PTPRD: variants seen among roughly 807,000 people sequenced by gnomAD.
PTPRD encodes receptor-type tyrosine-protein phosphatase delta.
In PTPRD, 34 loss-of-function variants were observed where a neutral mutation model predicts 214.5. That is an observed-to-expected ratio of 0.16 (90% CI 0.12 to 0.21). PTPRD has a LOEUF of 0.21. PTPRD is among the 10% of genes least tolerant of loss of function. PTPRD has a pLI of 1.00. For missense variants in PTPRD, 2,545 were observed against 2,398.7 expected, an observed-to-expected ratio of 1.06 and a Z score of -1.27; for synonymous variants, 1,128 against 845.7, an observed-to-expected ratio of 1.33 and a Z score of -5.79.
intron 39 of PTPRD, among the ~76,000 whole-genome samples, chr9:8,367,807 T>C (rs1215562986): frequency 6.6e-6 from 1 of 152,200 alleles, no homozygotes; most frequent in Non-Finnish European, 1.5e-5. Context: ...AGTCAGTAAC[T>C]GTAAACATTT....
In PTPRD at chr9:10,242,705, C is replaced by A. The variant is rs189515097; in HGVS notation, c.-545+98258G>T. Among the ~76,000 whole-genome samples the A allele has an allele frequency of 2.3e-4, 35 of 151,054 alleles. No homozygotes were observed. The East Asian group carries it at 6.3e-3, about 27-fold the overall frequency. ...GCTTACTTAATTAAAAAAAAATCTC[C>A]GTCTAGGGCTTAGATTAGATCAATA... On this transcript the variant is annotated intron_variant, in intron 3 of 45. Coordinates refer to ENST00000381196, the MANE Select transcript of PTPRD (RefSeq NM_002839.4).
chr9:9,330,901 A>G (rs1476589922), intron 9 of PTPRD, among the ~76,000 whole-genome samples: 1 of 151,834 alleles, frequency 6.6e-6, no homozygotes, highest in African/African-American at 2.4e-5. Context: ...GGGGAAAAGA[A>G]GAGCTTTTTT....
intron 35 of PTPRD, 77 bp downstream of exon 35, chr9:8,436,515 T>C: frequency 8.7e-7 from 1 of 1,145,752 alleles, no homozygotes; most frequent in Non-Finnish European, 1.3e-6. Context: ...CTGATGAAGT[T>C]AATTTTCAAG....
At chr9:10,533,097 T>C (rs1381549099) in intron 2 of PTPRD, among the ~76,000 whole-genome samples, 2 of 152,044 alleles carry the variant, frequency 1.3e-5, no homozygotes, top group East Asian at 3.9e-4. Flanking sequence ...CAGTCTGGCA[T>C]CCTGGGTTTT....
chr9:8,381,634 C>G (rs557769941), intron 37 of PTPRD, among the ~76,000 whole-genome samples: 2 of 152,298 alleles, frequency 1.3e-5, no homozygotes, highest in East Asian at 3.9e-4. Flanking sequence ...ACCACCAGTG[C>G]AGCTTTTCAT....
intron 11 of PTPRD, among the ~76,000 whole-genome samples, chr9:8,865,003 A>G (rs951575689): frequency 6.6e-6 from 1 of 152,330 alleles, no homozygotes; most frequent in African/African-American, 2.4e-5. Flanking sequence ...TTCTCAATGA[A>G]TAAGAAAATT....
intron 12 of PTPRD, among the ~76,000 whole-genome samples, chr9:8,649,426 C>T (rs1321481770): frequency 1.3e-5 from 2 of 152,204 alleles, no homozygotes; most frequent in East Asian, 1.9e-4. Flanking sequence ...TCTCATCTAT[C>T]AACTGCACAC....
intron 11 of PTPRD, among the ~76,000 whole-genome samples, chr9:8,775,304 T>A (rs1008646225): frequency 2.0e-5 from 3 of 152,142 alleles, no homozygotes; most frequent in African/African-American, 7.2e-5. Context: ...TGGGGCAACA[T>A]TTAATTAAAA....
intron 5 of PTPRD, among the ~76,000 whole-genome samples, chr9:9,832,968 CT>C (rs2055413320): frequency 6.6e-6 from 1 of 151,116 alleles, no homozygotes; most frequent in Admixed American, 6.6e-5. Flanking sequence ...TTATTTTATA[CT>C]TGTGGGAAAA....
intron 11 of PTPRD, among the ~76,000 whole-genome samples, chr9:8,902,629 G>C (rs2098679399): frequency 6.6e-6 from 1 of 151,970 alleles, no homozygotes; most frequent in Non-Finnish European, 1.5e-5. Context: ...ACAGGCATGA[G>C]CCACCACGCC....
chr9:8,664,587 C>T (rs1297166372), intron 12 of PTPRD, among the ~76,000 whole-genome samples: 1 of 152,160 alleles, frequency 6.6e-6, no homozygotes, highest in African/African-American at 2.4e-5. Context: ...TCAATCTATA[C>T]TTTCCTAGTG....
At chr9:9,934,855 G>A (rs1377521554) in intron 5 of PTPRD, among the ~76,000 whole-genome samples, 1 of 152,090 alleles carries the variant, frequency 6.6e-6, no homozygotes, top group African/African-American at 2.4e-5. Context: ...GAATCCAGCA[G>A]CACATCAAAA....
intron 39 of PTPRD, among the ~76,000 whole-genome samples, chr9:8,361,744 G>A (rs1329766647): frequency 2.0e-5 from 3 of 152,168 alleles, no homozygotes; most frequent in African/African-American, 7.2e-5. Flanking sequence ...GTGCTTGGGG[G>A]TTCATTATAC....
chr9:9,738,438 A>ATTTTT (rs1564880927), intron 6 of PTPRD, among the ~76,000 whole-genome samples: 4 of 54,306 alleles, frequency 7.4e-5, no homozygotes, highest in Non-Finnish European at 1.3e-4. Flanking sequence ...TCACTCACTC[A>ATTTTT]CTTTTTTTTT....
At chr9:10,343,733 A>G (rs553506776) in intron 2 of PTPRD, among the ~76,000 whole-genome samples, 6,683 of 152,048 alleles carry the variant, frequency 0.044, 475 homozygotes, top group African/African-American at 0.15. Context: ...GCCAGTGATG[A>G]TGAGCATTAT....
chr9:9,715,720 C>T (rs1444304407), intron 7 of PTPRD, among the ~76,000 whole-genome samples: 2 of 152,092 alleles, frequency 1.3e-5, no homozygotes, highest in African/African-American at 2.4e-5. Flanking sequence ...TCTTTCACTT[C>T]AATATTAAAA....
chr9:8,810,154 G>A (rs1309896386), intron 11 of PTPRD, among the ~76,000 whole-genome samples: 2 of 152,092 alleles, frequency 1.3e-5, no homozygotes, highest in Non-Finnish European at 2.9e-5. Context: ...CATATTTTTT[G>A]TAATTGATGG....
At chr9:10,204,024 G>A (rs1005914758) in intron 3 of PTPRD, among the ~76,000 whole-genome samples, 4 of 151,998 alleles carry the variant, frequency 2.6e-5, no homozygotes, top group African/African-American at 9.7e-5. Flanking sequence ...CCCCAATAGT[G>A]AAAAAAGAAA....
intron 2 of PTPRD, among the ~76,000 whole-genome samples, chr9:10,389,661 T>C (rs930386419): frequency 6.6e-6 from 1 of 151,874 alleles, no homozygotes; most frequent in African/African-American, 2.4e-5. Flanking sequence ...ACAGCCAAAA[T>C]CATAGCACAT....
Sources: allele counts gnomAD v4.1 joint callset (sites outside exome capture counted in the v4.1 genomes callset), GRCh38; gene constraint gnomAD v4.1.1; transcripts MANE v1.5; gene names NCBI Gene and HGNC (gene_info 2026-07-23, HGNC 2026-07-21).